Variants in CHST8 observed in about 807,000 individuals in gnomAD.
CHST8 encodes the protein carbohydrate sulfotransferase 8, also known as GALNAC-4-ST1.
A neutral mutation model predicts 15.0 loss-of-function variants in CHST8; 10 were observed. The observed-to-expected ratio is 0.67, with a 90% CI of 0.41 to 1.13. CHST8 has a LOEUF of 1.13. Among genes scored for constraint, CHST8 ranks in the 50% most tolerant of loss-of-function variants. The pLI is 0.00. For synonymous variants in CHST8, 259 were observed against 256.6 expected (o/e 1.01, Z -0.09); for missense variants, 634 against 608.2 (o/e 1.04, Z -0.45).
chr19:33,624,819 G>A (rs1600221308), intron 1 of CHST8, among the ~76,000 whole-genome samples: 1 of 152,218 alleles, frequency 6.6e-6, no homozygotes, highest in African/African-American at 2.4e-5. Flanking sequence ...TCTGGCTGGA[G>A]AAATTTTTAG....
At chr19:33,724,751 T>A (rs995121875) in intron 3 of CHST8, among the ~76,000 whole-genome samples, 1 of 152,154 alleles carries the variant, frequency 6.6e-6, no homozygotes, top group Non-Finnish European at 1.5e-5. Context: ...GACCTGGCCC[T>A]GGAGCTCCCC....
intron 3 of CHST8, among the ~76,000 whole-genome samples, chr19:33,756,333 T>TTGCA (rs1350881277): frequency 6.6e-6 from 1 of 152,080 alleles, no homozygotes; most frequent in Admixed American, 6.5e-5. Flanking sequence ...CGGGCCTAGG[T>TTGCA]TGCATGGTGT....
At chr19:33,744,081 G>C (rs918382296) in intron 3 of CHST8, among the ~76,000 whole-genome samples, 2 of 152,138 alleles carry the variant, frequency 1.3e-5, no homozygotes, top group Admixed American at 6.5e-5. Context: ...ATGAGCCCCC[G>C]TGCCCAGCCT....
rs1013903456 is a variant in CHST8 at position 33,629,900 on chromosome 19, C to T, written c.-164+7604C>T. On this transcript the variant is annotated intron_variant, in intron 1 of 4. Coordinates refer to ENST00000650847, the MANE Select transcript of CHST8 (RefSeq NM_001127895.2). ...CCTGGGCTGGCCTGGCCACTCCATT[C>T]TGTCTGTTGCCTTCACCACTGTGGA... 1.6e-4 allele frequency among the ~76,000 whole-genome samples: 24 copies of T among 152,264 alleles called. 1 individual carries two copies. Among genetic ancestry groups the T allele is most frequent in the Non-Finnish European group, 2.9e-5 (2 of 68,034 alleles).
intron 3 of CHST8, among the ~76,000 whole-genome samples, chr19:33,711,981 A>G (rs920184805): frequency 9.2e-5 from 14 of 152,210 alleles, no homozygotes; most frequent in Admixed American, 2.6e-4. Flanking sequence ...GTGTGTAAGG[A>G]CAGCGACAAC....
chr19:33,749,614 T>C (rs183972415), intron 3 of CHST8, among the ~76,000 whole-genome samples: 1 of 151,992 alleles, frequency 6.6e-6, no homozygotes, highest in African/African-American at 2.4e-5. Flanking sequence ...AGGCTCTGCC[T>C]CTAAGTCCCT....
chr19:33,736,635 G>T (rs1409644721), intron 3 of CHST8, among the ~76,000 whole-genome samples: 1 of 151,850 alleles, frequency 6.6e-6, no homozygotes, highest in Admixed American at 6.5e-5. Context: ...ATAAGGGGAG[G>T]TCTCATGTGT....
At chr19:33,632,003 G>A (rs80013401) in intron 1 of CHST8, among the ~76,000 whole-genome samples, 9 of 152,258 alleles carry the variant, frequency 5.9e-5, no homozygotes, top group East Asian at 3.9e-4. Context: ...TACTACTCCC[G>A]TTTTATCTTG....
At chr19:33,684,025 T>C (rs2145248873) in intron 2 of CHST8, among the ~76,000 whole-genome samples, 2 of 152,258 alleles carry the variant, frequency 1.3e-5, no homozygotes, top group Middle Eastern at 3.4e-3. Context: ...GTGTCCAGGG[T>C]GTGGTCAGTT....
chr19:33,749,527 G>A lies in CHST8; in HGVS notation c.131-21886G>A, dbSNP rs143794761. 5.5e-3 allele frequency among the ~76,000 whole-genome samples: 824 copies of A among 150,456 alleles called. 4 individuals are homozygous for A. Among genetic ancestry groups the A allele is most frequent in the African/African-American group, 0.011 (462 of 40,990 alleles). Reference sequence around the variant, plus strand: ...ATGCTATGAGCTCTTCACAACACATGGGTGGCTGGAATCAGTGGGTGCTCA... The same window carrying A: ...ATGCTATGAGCTCTTCACAACACATAGGTGGCTGGAATCAGTGGGTGCTCA... On this transcript the variant is annotated intron_variant, in intron 3 of 4. Transcript: ENST00000650847.
At chr19:33,706,886 A>G (rs1158624475) in intron 3 of CHST8, among the ~76,000 whole-genome samples, 2 of 152,228 alleles carry the variant, frequency 1.3e-5, no homozygotes, top group East Asian at 3.9e-4. Flanking sequence ...AGGACAGGCC[A>G]TGATTGTGGG....
chr19:33,723,098 T>G (rs985009875), intron 3 of CHST8, among the ~76,000 whole-genome samples: 2 of 152,158 alleles, frequency 1.3e-5, no homozygotes, highest in African/African-American at 4.8e-5. Context: ...CGTGATCCTG[T>G]GTTAAGTGTG....
intron 3 of CHST8, among the ~76,000 whole-genome samples, chr19:33,761,328 T>C (rs1395359230): frequency 2.0e-5 from 3 of 151,756 alleles, no homozygotes; most frequent in Non-Finnish European, 2.9e-5. Flanking sequence ...ACCTTGCCTC[T>C]ATGAATTTTT....
At chr19:33,703,527 C>T (rs1038686616) in intron 3 of CHST8, among the ~76,000 whole-genome samples, 2 of 152,216 alleles carry the variant, frequency 1.3e-5, no homozygotes, top group African/African-American at 2.4e-5. Context: ...AGGCCAAATG[C>T]GTGGGTCGGT....
chr19:33,725,260 T>G (rs1033494333), intron 3 of CHST8, among the ~76,000 whole-genome samples: 5 of 152,072 alleles, frequency 3.3e-5, no homozygotes, highest in African/African-American at 1.2e-4. Context: ...CCTTGGCTCC[T>G]GACTGATGCC....
chr19:33,765,513 T>TTGTGTGTGTGTGTG (rs61673440), intron 3 of CHST8, among the ~76,000 whole-genome samples: 23 of 131,718 alleles, frequency 1.7e-4, no homozygotes, highest in African/African-American at 4.4e-4. Flanking sequence ...ATGCCAGTCT[T>TTGTGTGTGTGTGTG]TGTGTGTGTG....
At chr19:33,713,124 C>T (rs73033197) in intron 3 of CHST8, among the ~76,000 whole-genome samples, 22,057 of 152,134 alleles carry the variant, frequency 0.14, 1,702 homozygotes, top group African/African-American at 0.19. Flanking sequence ...ACATAAGCCC[C>T]TCCATCCCTG....
chr19:33,766,428 G>A (rs1242866542), intron 3 of CHST8, among the ~76,000 whole-genome samples: 2 of 152,084 alleles, frequency 1.3e-5, no homozygotes, highest in African/African-American at 2.4e-5. Context: ...CCCTGCACTC[G>A]GGGCAGGCCA....
intron 3 of CHST8, among the ~76,000 whole-genome samples, chr19:33,742,193 G>A (rs1170514000): frequency 1.3e-5 from 2 of 152,172 alleles, no homozygotes; most frequent in Non-Finnish European, 2.9e-5. Flanking sequence ...GATGCCATGG[G>A]GTTCTTCTTG....
Sources: gnomAD v4.1 joint callset for allele counts (sites outside exome capture counted in the v4.1 genomes callset) on GRCh38, gnomAD v4.1.1 for gene constraint, MANE v1.5 for transcripts, NCBI Gene and HGNC (gene_info 2026-07-23, HGNC 2026-07-21) for gene names.